The following TFB2M variants were observed in gnomAD, a reference collection of about 807,000 sequenced individuals.
TFB2M encodes the protein transcription factor B2, mitochondrial.
In TFB2M, 44 loss-of-function variants were observed where a neutral mutation model predicts 41.3. The ratio of observed to expected loss-of-function variants is 1.07; its 90% CI spans 0.84 to 1.37. TFB2M has a LOEUF of 1.37. Among genes scored for constraint, TFB2M ranks in the 40% most tolerant of loss-of-function variants. The probability of loss-of-function intolerance (pLI) is 0.00; values close to 1 mark genes in which losing one functional copy is unlikely to be tolerated. For missense variants in TFB2M, 496 were observed against 490.2 expected, an observed-to-expected ratio of 1.01 and a Z score of -0.11; for synonymous variants, 188 against 176.8, an observed-to-expected ratio of 1.06 and a Z score of -0.50.
intron 7 of TFB2M, among the ~76,000 whole-genome samples, chr1:246,541,431 C>CG (rs11397888): frequency 1 from 152,154 of 152,180 alleles, 76,064 homozygotes; most frequent in Non-Finnish European, 1. Context: ...ACTATTTGGG[C>CG]ATGGGTACAC....
At chr1:246,544,991 G>C (rs1161106854) in intron 6 of TFB2M, among the ~76,000 whole-genome samples, 5 of 151,896 alleles carry the variant, frequency 3.3e-5, no homozygotes, top group Admixed American at 2.6e-4. Context: ...ATTTTTAGTA[G>C]AGATGGGGTT....
At chr1:246,555,420 G>C (rs1389085566) in intron 4 of TFB2M, among the ~76,000 whole-genome samples, 1 of 151,906 alleles carries the variant, frequency 6.6e-6, no homozygotes, top group Non-Finnish European at 1.5e-5. Context: ...AGACCCTATC[G>C]CTACAAAAAG....
At chr1:246,555,352 C>T (rs1433853133) in intron 4 of TFB2M, among the ~76,000 whole-genome samples, 1 of 152,158 alleles carries the variant, frequency 6.6e-6, no homozygotes, top group East Asian at 1.9e-4. Flanking sequence ...CTTTAGGAGG[C>T]TGAGGCAGGA....
chr1:246,543,131 C>T (rs1292527900), intron 7 of TFB2M, among the ~76,000 whole-genome samples: 1 of 151,730 alleles, frequency 6.6e-6, no homozygotes, highest in Non-Finnish European at 1.5e-5. Context: ...CAAAAATGCT[C>T]GGATTACAGG....
chr1:246,546,949 G>C (rs1192632828), intron 6 of TFB2M, among the ~76,000 whole-genome samples: 1 of 126,398 alleles, frequency 7.9e-6, no homozygotes, highest in Non-Finnish European at 1.7e-5. Context: ...ATCCCTAAAA[G>C]TTTATATATG....
intron 6 of TFB2M, among the ~76,000 whole-genome samples, chr1:246,545,397 T>C (rs562920576): frequency 6.6e-6 from 1 of 152,008 alleles, no homozygotes; most frequent in African/African-American, 2.4e-5. Context: ...TGGTGGTGTG[T>C]GCCTGTAGTC....
At position 246,551,230 on chromosome 1, in the gene TFB2M, T is replaced by C. The variant is rs781180459; in HGVS notation, c.778A>G (p.Ile260Val). 5.6e-6 allele frequency: 9 copies of C among 1,613,692 alleles called. No individual in the cohort carries two copies. Among genetic ancestry groups the C allele is most frequent in the Admixed American group, 1.7e-5 (1 of 60,012 alleles). The part of the protein sequence containing the change: ...LSVIWQLACE[I>V]KVLHMEPWSS... ...TTACTCACCATGTGCAGAACCTTAATCTCACAAGCTAATTGCCAGATAACA... is the reference window on the plus strand; with the variant it reads ...TTACTCACCATGTGCAGAACCTTAACCTCACAAGCTAATTGCCAGATAACA... The change falls in exon 5 of 8, where the codon ATT becomes GTT. Residue 260 changes from isoleucine (I) to valine (V), a missense_variant. Ile to Val is a conservative substitution (Grantham distance 29). Transcript: ENST00000366514.
intron 6 of TFB2M, among the ~76,000 whole-genome samples, chr1:246,547,637 A>C (rs1373363985): frequency 6.6e-6 from 1 of 151,372 alleles, no homozygotes; most frequent in Non-Finnish European, 1.5e-5. Context: ...TGTTATGCTG[A>C]GATTAGGCCA....
chr1:246,543,391 TAC>T (rs371246902), intron 7 of TFB2M, among the ~76,000 whole-genome samples: 19 of 152,248 alleles, frequency 1.2e-4, no homozygotes, highest in African/African-American at 4.6e-4. Flanking sequence ...ATGTACAAAT[TAC>T]ACAGATGGCT....
At position 246,540,941 on chromosome 1, in the gene TFB2M, C is replaced by T. The variant is rs1323283887; in HGVS notation, c.*90G>A. The stretch of plus-strand genomic sequence containing the variant: ...TGTGCAAGACAAGAACAGTTACCTT[C>T]TGCTGAAAGGATGTGAGTTTTCAAA... On this transcript the variant is annotated 3_prime_UTR_variant, in exon 8 of 8. Transcript: ENST00000366514. 1.5e-6 allele frequency: 2 copies of T among 1,302,164 alleles called. No homozygotes were observed. The highest frequency in any genetic ancestry group is 2.1e-6 in the Non-Finnish European group (2 of 941,356). The allele number at this position is 1,302,164 out of a possible 1,614,324, so 80.7% of individuals were successfully genotyped here.
At chr1:246,561,202 T>C (rs1659446987) in intron 2 of TFB2M, among the ~76,000 whole-genome samples, 1 of 152,114 alleles carries the variant, frequency 6.6e-6, no homozygotes, top group African/African-American at 2.4e-5. Flanking sequence ...ATCATAACAA[T>C]GGTTACTAAA....
intron 5 of TFB2M, among the ~76,000 whole-genome samples, chr1:246,550,800 T>C (rs1355805771): frequency 5.3e-5 from 8 of 152,204 alleles, no homozygotes; most frequent in African/African-American, 4.8e-5. Context: ...GGGGAATTGC[T>C]TGAATACAGG....
intron 6 of TFB2M, 36 bp downstream of exon 6, chr1:246,548,509 A>G (rs780508566): frequency 6.4e-7 from 1 of 1,551,614 alleles, no homozygotes; most frequent in Non-Finnish European, 8.8e-7. Flanking sequence ...TACGTCACGT[A>G]GGGAGAAAAA....
Position 246,548,593 on chromosome 1 carries a change from T to C in TFB2M, c.810A>G (p.Ser270=). The change falls in exon 6 of 8, where the codon TCA becomes TCG. Residue 270 remains serine, a synonymous_variant. Transcript: ENST00000366514. ...GCCCTTTCCGGGTGTATATATCAAA[T>C]GATGACCAAGGCTCCTGGGGAAGAA... is the stretch of plus-strand genomic sequence containing the variant. The part of the protein sequence containing the change: ...IKVLHMEPWS[S]FDIYTRKGPL... 1 of 1,613,334 alleles carries C rather than the reference T, an allele frequency of 6.2e-7. No individual in the cohort carries two copies.
intron 6 of TFB2M, among the ~76,000 whole-genome samples, chr1:246,547,580 G>C (rs1191542283): frequency 1.3e-5 from 2 of 151,308 alleles, no homozygotes. Context: ...TGGCAAGTGT[G>C]AGAAAAAAAC....
At chr1:246,565,115 A>G (rs1659581096) in intron 1 of TFB2M, among the ~76,000 whole-genome samples, 1 of 152,224 alleles carries the variant, frequency 6.6e-6, no homozygotes, top group African/African-American at 2.4e-5. Flanking sequence ...GTCAAGCCTA[A>G]ACAGAACTGA....
chr1:246,544,672 C>G lies in TFB2M; in HGVS notation c.868G>C (p.Asp290His). 6.3e-7 allele frequency: 1 copy of G among 1,589,712 alleles called. No homozygotes were observed. Among genetic ancestry groups the G allele is most frequent in the Non-Finnish European group, 8.5e-7 (1 of 1,173,892 alleles). The change falls in exon 7 of 8, where the codon GAC becomes CAC. Residue 290 changes from aspartate to histidine, a missense_variant. Transcript: ENST00000366514. The part of the protein sequence containing the change: ...LENPKRRELL[D>H]QLQQKLYLIQ... Reference sequence around the variant, plus strand: ...AGATACAGCTTTTGTTGTAATTGGTCTAATAATTCCTGGAGAGAAGAAAAA... The same window carrying G: ...AGATACAGCTTTTGTTGTAATTGGTGTAATAATTCCTGGAGAGAAGAAAAA...
intron 4 of TFB2M, among the ~76,000 whole-genome samples, chr1:246,553,150 G>A (rs1225647487): frequency 6.6e-6 from 1 of 152,194 alleles, no homozygotes; most frequent in Non-Finnish European, 1.5e-5. Flanking sequence ...TAAACTGGGA[G>A]GCGGAGGTTG....
intron 7 of TFB2M, 102 bp downstream of exon 7, chr1:246,544,419 T>C: frequency 3.8e-6 from 4 of 1,044,774 alleles, no homozygotes; most frequent in Non-Finnish European, 5.6e-6. Context: ...GAAAACATGG[T>C]ACCTCACTCT....
Sources: gnomAD v4.1 joint callset for allele counts (sites outside exome capture counted in the v4.1 genomes callset) on GRCh38, gnomAD v4.1.1 for gene constraint, MANE v1.5 for transcripts, NCBI Gene and HGNC (gene_info 2026-07-23, HGNC 2026-07-21) for gene names.